The following RALYL variants were observed in gnomAD, a reference collection of about 807,000 sequenced individuals.
The protein encoded by RALYL is RNA-binding Raly-like protein.
A neutral mutation model predicts 35.1 loss-of-function variants in RALYL; 29 were observed. The observed-to-expected ratio is 0.83, with a 90% CI of 0.61 to 1.13. The LOEUF (loss-of-function observed/expected upper bound fraction) is 1.13, where lower values mean the gene tolerates loss of function less well. Ranked by LOEUF, RALYL falls within the 50% of genes most tolerant of loss-of-function variation. The pLI, the probability that RALYL is intolerant of heterozygous loss-of-function variation, is 0.00. For synonymous variants in RALYL, 120 were observed against 127.6 expected, an observed-to-expected ratio of 0.94 and a Z score of 0.40; for missense variants, 359 against 360.4, an observed-to-expected ratio of 1.00 and a Z score of 0.03.
intron 2 of RALYL, among the ~76,000 whole-genome samples, chr8:84,641,039 T>C (rs376911438): frequency 5.3e-5 from 8 of 151,778 alleles, no homozygotes; most frequent in African/African-American, 1.9e-4. Flanking sequence ...TATTACATTT[T>C]CCTCTTTTCT....
At chr8:84,729,636 G>A (rs1479756619) in intron 2 of RALYL, among the ~76,000 whole-genome samples, 5 of 152,094 alleles carry the variant, frequency 3.3e-5, no homozygotes, top group Admixed American at 2.6e-4. Context: ...TAGACCGCTA[G>A]CAAGACTAGT....
chr8:84,312,649 C>G (rs1487511310), intron 1 of RALYL, among the ~76,000 whole-genome samples: 1 of 152,228 alleles, frequency 6.6e-6, no homozygotes, highest in African/African-American at 2.4e-5. Flanking sequence ...TCTCTTTGGA[C>G]CCCGTGTCTC....
rs191966826 is a variant in RALYL, at chr8:84,737,059, A to T, written c.257-37520A>T. On this transcript the variant is annotated intron_variant, in intron 2 of 8. Coordinates refer to ENST00000521268, the MANE Select transcript of RALYL (RefSeq NM_173848.7). ...GCATTTCTGTAACCAGCCCTGGGTT[A>T]GGAATTTGATACAGTAGTCAAACAA... Among the ~76,000 whole-genome samples, 4 of 152,228 alleles carry T rather than the reference A, an allele frequency of 2.6e-5. No individual in the cohort carries two copies. In the East Asian group the frequency reaches 7.7e-4, roughly 29 times the overall value.
rs571126190 is a variant in RALYL, at chr8:84,207,732, A to AC, written c.-24+23314dup. Among the ~76,000 whole-genome samples the AC allele has an allele frequency of 1.8e-4, 27 of 150,748 alleles. No individual in the cohort carries two copies. In the East Asian group the frequency reaches 5.1e-3, roughly 28 times the overall value. On this transcript the variant is annotated intron_variant, in intron 1 of 8. Transcript: ENST00000521268. ...GTCTTAAATATATTCACCAACCCCC[A>AC]CCCCCCAGGAAACTGTGTGAGGTAA...
chr8:84,328,751 C>T (rs1012020307), intron 1 of RALYL, among the ~76,000 whole-genome samples: 2 of 152,078 alleles, frequency 1.3e-5, no homozygotes, highest in South Asian at 4.2e-4. Flanking sequence ...AACCTTTGTC[C>T]ACCTCTCTCC....
intron 1 of RALYL, among the ~76,000 whole-genome samples, chr8:84,280,224 G>T (rs554424852): frequency 1.3e-5 from 2 of 152,160 alleles, no homozygotes; most frequent in East Asian, 1.9e-4. Flanking sequence ...ATTTCAATTT[G>T]CCCTTGAAAG....
At chr8:84,883,964 A>G (rs992469675) in intron 7 of RALYL, among the ~76,000 whole-genome samples, 1 of 152,068 alleles carries the variant, frequency 6.6e-6, no homozygotes, top group African/African-American at 2.4e-5. Context: ...AATAGATGTT[A>G]TTTTCATGCT....
chr8:84,588,353 C>T (rs1163585668), intron 2 of RALYL, among the ~76,000 whole-genome samples: 1 of 152,152 alleles, frequency 6.6e-6, no homozygotes, highest in African/African-American at 2.4e-5. Context: ...TATGTGTTGG[C>T]TCACTCAGAG....
At chr8:84,698,714 C>T (rs977992144) in intron 2 of RALYL, among the ~76,000 whole-genome samples, 9 of 152,034 alleles carry the variant, frequency 5.9e-5, no homozygotes, top group South Asian at 2.1e-4. Context: ...GAAAGACAGA[C>T]GTTGACTAAG....
intron 1 of RALYL, among the ~76,000 whole-genome samples, chr8:84,312,547 A>T (rs1432264171): frequency 6.6e-6 from 1 of 152,178 alleles, no homozygotes; most frequent in Non-Finnish European, 1.5e-5. Flanking sequence ...TTGGGTACCA[A>T]ATAGGAGAAA....
chr8:84,217,451 T>C (rs1165795368), intron 1 of RALYL, among the ~76,000 whole-genome samples: 1 of 152,092 alleles, frequency 6.6e-6, no homozygotes, highest in Non-Finnish European at 1.5e-5. Context: ...TATGTGCACC[T>C]AGACTATCTT....
intron 1 of RALYL, among the ~76,000 whole-genome samples, chr8:84,200,246 C>T (rs1816523136): frequency 6.6e-6 from 1 of 152,048 alleles, no homozygotes. Flanking sequence ...AAATACAGTA[C>T]ACTAAACAAA....
chr8:84,389,681 G>A (rs558310238), intron 1 of RALYL, among the ~76,000 whole-genome samples: 1 of 150,924 alleles, frequency 6.6e-6, no homozygotes, highest in South Asian at 2.1e-4. Context: ...TGTGATTTTT[G>A]TACATTGATT....
chr8:84,663,209 A>G (rs535785689), intron 2 of RALYL, among the ~76,000 whole-genome samples: 61 of 152,280 alleles, frequency 4.0e-4, no homozygotes, highest in African/African-American at 1.4e-3. Context: ...TATATGTACT[A>G]TATTTTCTTT....
At chr8:84,486,225 G>T (rs551990038) in intron 1 of RALYL, among the ~76,000 whole-genome samples, 1 of 150,458 alleles carries the variant, frequency 6.6e-6, no homozygotes, top group African/African-American at 2.4e-5. Flanking sequence ...AATCAGAATA[G>T]CCAGGAAATA....
At chr8:84,719,527 C>T (rs898175694) in intron 2 of RALYL, among the ~76,000 whole-genome samples, 1 of 152,096 alleles carries the variant, frequency 6.6e-6, no homozygotes, top group Admixed American at 6.6e-5. Flanking sequence ...GGCAATTTAA[C>T]AATGTTTAAG....
rs578123509 is a variant in RALYL, at chr8:84,798,382, CTATT to C, written c.333-6381_333-6378del. ...TTAATATTTATTAACCATTTATCCA[CTATT>C]TATTTAAGTTATTTAGTTATCTAAT... On this transcript the variant is annotated intron_variant, in intron 3 of 8. Transcript: ENST00000521268. Among the ~76,000 whole-genome samples, 29 of 152,040 alleles carry C rather than the reference CTATT, an allele frequency of 1.9e-4. No individual in the cohort carries two copies. The South Asian group carries it at 2.9e-3, about 15-fold the overall frequency.
At chr8:84,584,718 T>C (rs768588636) in intron 2 of RALYL, among the ~76,000 whole-genome samples, 1 of 152,216 alleles carries the variant, frequency 6.6e-6, no homozygotes, top group Non-Finnish European at 1.5e-5. Context: ...CATTAACTAA[T>C]ATTATTTTAT....
intron 2 of RALYL, among the ~76,000 whole-genome samples, chr8:84,576,514 C>T (rs1210062367): frequency 1.3e-5 from 2 of 152,126 alleles, no homozygotes; most frequent in Non-Finnish European, 2.9e-5. Context: ...TAAGGTAATA[C>T]ATTTGCTCTT....
Sources: gnomAD v4.1 joint callset for allele counts (sites outside exome capture counted in the v4.1 genomes callset) on GRCh38, gnomAD v4.1.1 for gene constraint, MANE v1.5 for transcripts, NCBI Gene and HGNC (gene_info 2026-07-23, HGNC 2026-07-21) for gene names.